Variants in ESF1 observed in about 807,000 individuals in gnomAD.
ESF1 encodes ESF1 nucleolar pre-rRNA processing protein, also known as ESF1 homolog.
Under a neutral mutation model 92.0 loss-of-function variants are expected in ESF1, and 58 were observed. The ratio of observed to expected loss-of-function variants is 0.63; its 90% CI spans 0.51 to 0.78. The LOEUF is 0.78. Ranked by LOEUF, ESF1 falls within the 30% of genes least tolerant of loss-of-function variation. The pLI is 0.00. For missense variants in ESF1, 922 were observed against 989.1 expected (o/e 0.93, Z 0.91); for synonymous variants, 321 against 313.7 (o/e 1.02, Z -0.24).
Position 13,718,991 on chromosome 20 carries a change from C to G in ESF1, c.2039-7G>C. 2 of 1,593,574 alleles carry G rather than the reference C, an allele frequency of 1.3e-6. No individual in the cohort carries two copies. Among genetic ancestry groups the G allele is most frequent in the Non-Finnish European group, 1.7e-6 (2 of 1,171,978 alleles). On this transcript the variant is annotated splice_region_variant and splice_polypyrimidine_tract_variant and intron_variant, in intron 11 of 13. Coordinates refer to ENST00000617257, the MANE Select transcript of ESF1 (RefSeq NM_001276380.2). The stretch of plus-strand genomic sequence containing the variant: ...ACCGATTTTTTATTTATACCTGGCA[C>G]AACAAACCAACATAAGAGTGGTAAA...
At chr20:13,757,941 T>C (rs1022264951) in intron 9 of ESF1, among the ~76,000 whole-genome samples, 7 of 152,212 alleles carry the variant, frequency 4.6e-5, no homozygotes, top group African/African-American at 1.7e-4. Flanking sequence ...AACTACAATA[T>C]ATTCAACTTA....
chr20:13,766,990 A>G, intron 7 of ESF1, 66 bp from the exon 8 acceptor site: 1 of 1,484,384 alleles, frequency 6.7e-7, no homozygotes, highest in South Asian at 1.2e-5. Context: ...CTTGTTAAAG[A>G]ATATATACTA....
chr20:13,728,788 AC>A (rs2049920676), intron 10 of ESF1, among the ~76,000 whole-genome samples: 1 of 151,848 alleles, frequency 6.6e-6, no homozygotes, highest in African/African-American at 2.4e-5. Flanking sequence ...AATCACTTGA[AC>A]CCAGGAGGAA....
At chr20:13,768,394 C>G (rs1434495692) in intron 7 of ESF1, among the ~76,000 whole-genome samples, 1 of 152,134 alleles carries the variant, frequency 6.6e-6, no homozygotes, top group Non-Finnish European at 1.5e-5. Context: ...ATCGGCCTGA[C>G]TAACATGGTG....
intron 8 of ESF1, among the ~76,000 whole-genome samples, chr20:13,766,559 T>A (rs899989973): frequency 2.0e-5 from 3 of 152,214 alleles, no homozygotes; most frequent in Non-Finnish European, 1.5e-5. Flanking sequence ...AGGACAAGTC[T>A]AGAAGGCCAT....
rs1022267208 is a variant in ESF1 at position 13,714,625 on chromosome 20, T to C, written c.*249A>G. On this transcript the variant is annotated 3_prime_UTR_variant, in exon 14 of 14. Transcript: ENST00000617257. ...CTAGTTAGAACTGAACATTGTAAAA[T>C]ATAAAAATTTTATAAACCCTATAAT... 9.6e-6 allele frequency: 3 copies of C among 311,530 alleles called. No individual in the cohort carries two copies. Among genetic ancestry groups the C allele is most frequent in the East Asian group, 5.8e-5 (1 of 17,346 alleles). The allele number at this position is 311,530 out of a possible 1,614,324, so 19.3% of individuals were successfully genotyped here.
intron 8 of ESF1, among the ~76,000 whole-genome samples, chr20:13,763,689 G>A (rs1979307910): frequency 6.6e-6 from 1 of 152,154 alleles, no homozygotes; most frequent in Admixed American, 6.5e-5. Flanking sequence ...CAGCTGTTCT[G>A]TGAACAATAA....
In ESF1 at chr20:13,777,774, C is replaced by T. The variant is rs116380238; in HGVS notation, c.638-1504G>A. 1.4e-3 allele frequency among the ~76,000 whole-genome samples: 203 copies of T among 146,552 alleles called. 1 individual carries two copies. The highest frequency in any genetic ancestry group is 4.8e-3 in the African/African-American group (189 of 39,612). ...CTACTTGGTGTGTAGATATATCTTACGTGTTTTACTCATCTTTAAGTTGGA... is the reference window on the plus strand; with the variant it reads ...CTACTTGGTGTGTAGATATATCTTATGTGTTTTACTCATCTTTAAGTTGGA... On this transcript the variant is annotated intron_variant, in intron 2 of 13. Coordinates refer to ENST00000617257, the MANE Select transcript of ESF1 (RefSeq NM_001276380.2).
Position 13,771,453 on chromosome 20 carries a change from T to C in ESF1, c.1281A>G (p.Gln427=), listed in dbSNP as rs368875030. 1.5e-5 allele frequency: 24 copies of C among 1,613,138 alleles called. No individual in the cohort carries two copies. The highest frequency in any genetic ancestry group is 4.5e-5 in the East Asian group (2 of 44,764). ...CATAATAGTACTTCAGTCGTTTGAA[T>C]TGATAATCTCTCAATTTTTCTCTAG... is the stretch of plus-strand genomic sequence containing the variant. ...WTSREKLRDY[Q]FKRLKYYYAV... Residue 427 remains glutamine, a synonymous_variant, in exon 6 of 14, where the codon CAA becomes CAG. Transcript: ENST00000617257.
chr20:13,726,613 T>C (rs1228204579), intron 11 of ESF1, among the ~76,000 whole-genome samples: 1 of 152,204 alleles, frequency 6.6e-6, no homozygotes, highest in Non-Finnish European at 1.5e-5. Context: ...CATACCCTCA[T>C]ACTATTTATC....
chr20:13,714,961 G>A lies in ESF1; in HGVS notation c.2469C>T (p.Ser823=). Residue 823 remains serine (S), a synonymous_variant, in exon 14 of 14, where the codon TCC becomes TCT. Transcript: ENST00000617257. ...TCAACATTGACAAAGCAGGATCAAT[G>A]GACTTCCTTTGTGATTCCTTTTCAA... The part of the protein sequence containing the change: ...SEIEKESQRK[S]IDPALSMLIK... The A allele has an allele frequency of 1.2e-6, 2 of 1,613,934 alleles. No individual in the cohort carries two copies. The highest frequency in any genetic ancestry group is 1.7e-6 in the Non-Finnish European group (2 of 1,179,966).
chr20:13,766,631 A>AT (rs1008114222), intron 8 of ESF1, 146 bp downstream of exon 8: 171 of 686,644 alleles, frequency 2.5e-4, no homozygotes, highest in Middle Eastern at 9.1e-4. Context: ...GGCAAAGAAA[A>AT]TTTTTTTTTA....
At position 13,775,258 on chromosome 20, in the gene ESF1, A is replaced by G; in HGVS notation, c.1048T>C (p.Leu350=). ...TCCCAGTCCATGTTACAAACTGCTA[A>G]TCGACGTGTAATCTGAGAAATGAGA... The part of the protein sequence containing the change: ...APRADEITRR[L]AVCNMDWDRL... The change falls in exon 4 of 14, where the codon TTA becomes CTA. Residue 350 remains leucine, a synonymous_variant. Coordinates refer to ENST00000617257, the MANE Select transcript of ESF1 (RefSeq NM_001276380.2). 1.3e-6 allele frequency: 2 copies of G among 1,599,100 alleles called. No individual in the cohort carries two copies. The highest frequency in any genetic ancestry group is 1.7e-6 in the Non-Finnish European group (2 of 1,171,052).
At chr20:13,778,136 G>A (rs1980024577) in intron 2 of ESF1, among the ~76,000 whole-genome samples, 1 of 152,150 alleles carries the variant, frequency 6.6e-6, no homozygotes, top group Non-Finnish European at 1.5e-5. Context: ...GCTTCACAAA[G>A]ATACAACTTG....
rs762616800 is a variant in ESF1 at position 13,780,441 on chromosome 20, C to T, written c.637+2063G>A. ...AATCTTATTCTTCAATTTTAGTAAC[C>T]GGATTCCTATCCTTTCTTCCCACAC... is the stretch of plus-strand genomic sequence containing the variant. On this transcript the variant is annotated intron_variant, in intron 2 of 13. Transcript: ENST00000617257. Among the ~76,000 whole-genome samples, 230 of 152,266 alleles carry T rather than the reference C, an allele frequency of 1.5e-3. 5 individuals are homozygous for T. Among genetic ancestry groups the T allele is most frequent in the Non-Finnish European group, 3.8e-4 (26 of 68,028 alleles).
intron 10 of ESF1, among the ~76,000 whole-genome samples, chr20:13,730,449 T>A (rs2049934779): frequency 6.7e-6 from 1 of 149,412 alleles, no homozygotes; most frequent in Non-Finnish European, 1.5e-5. Context: ...AATGGCACGA[T>A]CTCGGCTCAC....
intron 9 of ESF1, among the ~76,000 whole-genome samples, chr20:13,746,286 G>T (rs1238872688): frequency 6.6e-6 from 1 of 152,054 alleles, no homozygotes; most frequent in Non-Finnish European, 1.5e-5. Context: ...TCTTTAAACT[G>T]TAAATACACA....
chr20:13,720,749 G>GT (rs537303663), intron 11 of ESF1, among the ~76,000 whole-genome samples: 200 of 152,300 alleles, frequency 1.3e-3, no homozygotes, highest in African/African-American at 4.5e-3. Context: ...ATGGCAAAAT[G>GT]TTAACAACTG....
At chr20:13,745,213 C>T (rs544862557) in intron 9 of ESF1, among the ~76,000 whole-genome samples, 39 of 152,302 alleles carry the variant, frequency 2.6e-4, no homozygotes, top group Middle Eastern at 3.4e-3. Context: ...GAGGTAATTA[C>T]GAGCATGTTA....
Sources: gnomAD v4.1 joint callset for allele counts (sites outside exome capture counted in the v4.1 genomes callset) on GRCh38, gnomAD v4.1.1 for gene constraint, MANE v1.5 for transcripts, NCBI Gene and HGNC (gene_info 2026-07-23, HGNC 2026-07-21) for gene names.